Variants in WASHC5 observed in about 807,000 individuals in gnomAD.
WASHC5 encodes WASH complex subunit 5, also known as WASH complex subunit strumpellin.
Under a neutral mutation model 150.4 loss-of-function variants are expected in WASHC5, and 101 were observed. The observed-to-expected ratio is 0.67, with a 90% CI of 0.57 to 0.79. The LOEUF (loss-of-function observed/expected upper bound fraction) is 0.79, where lower values mean the gene tolerates loss of function less well. Among genes scored for constraint, WASHC5 ranks in the 30% least tolerant of loss-of-function variants. The pLI is 0.00. For missense variants in WASHC5, 1,195 were observed against 1,396.3 expected, an observed-to-expected ratio of 0.86 and a Z score of 2.30; for synonymous variants, 467 against 491.2, an observed-to-expected ratio of 0.95 and a Z score of 0.65.
intron 11 of WASHC5, among the ~76,000 whole-genome samples, chr8:125,063,019 T>G (rs1247745590): frequency 6.6e-6 from 1 of 152,216 alleles, no homozygotes; most frequent in East Asian, 1.9e-4. Flanking sequence ...CTTCTGCTAC[T>G]AGATAGCAGG....
intron 3 of WASHC5, 107 bp from the exon 4 acceptor site, chr8:125,082,574 C>T (rs1402766308): frequency 1.4e-6 from 1 of 722,144 alleles, no homozygotes; most frequent in African/African-American, 1.8e-5. Flanking sequence ...GGCATTCTGG[C>T]CTTCCACTAG....
chr8:125,025,212 G>C (rs1815342814), intron 28 of WASHC5, among the ~76,000 whole-genome samples: 1 of 152,140 alleles, frequency 6.6e-6, no homozygotes, highest in Admixed American at 6.5e-5. Context: ...AGAGGTAGGT[G>C]ATCTCCAAGT....
chr8:125,063,447 C>G (rs1036354291), intron 11 of WASHC5, 75 bp downstream of exon 11: 4 of 1,471,556 alleles, frequency 2.7e-6, no homozygotes, highest in Admixed American at 3.4e-5. Context: ...GTCTTTTTAA[C>G]CTGCCAGTTT....
At chr8:125,075,994 CAAATT>C (rs1466610664) in intron 7 of WASHC5, among the ~76,000 whole-genome samples, 2 of 152,056 alleles carry the variant, frequency 1.3e-5, no homozygotes, top group South Asian at 2.1e-4. Flanking sequence ...CACAAAGTGA[CAAATT>C]AGATGAATTT....
chr8:125,028,551 A>C (rs1291907326), intron 28 of WASHC5, 69 bp downstream of exon 28: 2 of 1,149,292 alleles, frequency 1.7e-6, no homozygotes, highest in African/African-American at 3.0e-5. Context: ...ACTCCTGATG[A>C]ATCCAGGGCC....
intron 28 of WASHC5, among the ~76,000 whole-genome samples, chr8:125,026,872 C>T (rs1461441098): frequency 6.6e-6 from 1 of 151,988 alleles, no homozygotes; most frequent in Non-Finnish European, 1.5e-5. Context: ...AGTCCTATGA[C>T]ATTTTAAAAA....
chr8:125,049,455 G>T, intron 18 of WASHC5, among the ~76,000 whole-genome samples: 1 of 152,000 alleles, frequency 6.6e-6, no homozygotes, highest in Non-Finnish European at 1.5e-5. Flanking sequence ...CTACTTGGGA[G>T]GCTGAGGCAG....
In WASHC5 at chr8:125,063,518, T is replaced by C. The variant is rs780340651; in HGVS notation, c.1408+4A>G. The C allele has an allele frequency of 1.2e-6, 2 of 1,613,698 alleles. No homozygotes were observed. The highest frequency in any genetic ancestry group is 1.7e-5 in the Admixed American group (1 of 60,018). ...CACACCAGTATTTCCTCTTCAGTAA[T>C]TACCATTTTTCTCCACTCTGGTTAG... On this transcript the variant is annotated splice_donor_region_variant and intron_variant, in intron 11 of 28. Coordinates refer to ENST00000318410, the MANE Select transcript of WASHC5 (RefSeq NM_014846.4).
intron 10 of WASHC5, among the ~76,000 whole-genome samples, chr8:125,064,313 C>T (rs539907704): frequency 2.5e-4 from 38 of 152,192 alleles, no homozygotes; most frequent in African/African-American, 8.4e-4. Flanking sequence ...AGTGATCCTC[C>T]TGCCTCAGCC....
Position 125,091,031 on chromosome 8 carries a change from C to A in WASHC5, c.-125+584G>T, listed in dbSNP as rs142254336. Among the ~76,000 whole-genome samples, 1,038 of 152,168 alleles carry A rather than the reference C, an allele frequency of 6.8e-3. 6 individuals carry two copies. The highest frequency in any genetic ancestry group is 0.024 in the African/African-American group (993 of 41,506). ...TGTTTGAGGGAGCTCCATGCGCTTG[C>A]AATCAGGAGACCCAGTTTTATGGCT... On this transcript the variant is annotated intron_variant, in intron 1 of 28. Coordinates refer to ENST00000318410, the MANE Select transcript of WASHC5 (RefSeq NM_014846.4).
chr8:125,073,455 GGGCTCGAAGATAAC>G (rs1816962972), intron 8 of WASHC5, 131 bp from the exon 9 acceptor site: 1 of 798,412 alleles, frequency 1.3e-6, no homozygotes, highest in East Asian at 2.7e-5. Context: ...TACAGTTATA[GGGCTCGAAGATAAC>G]ATTTCTATAA....
In WASHC5 at chr8:125,044,789, A is replaced by G. The variant is rs556595160; in HGVS notation, c.2505-91T>C. 111 of 1,267,838 alleles carry G rather than the reference A, an allele frequency of 8.8e-5. No homozygotes were observed. In the African/African-American group the frequency reaches 1.6e-3, roughly 18 times the overall value. The allele number at this position is 1,267,838 out of a possible 1,614,324, so 78.5% of individuals were successfully genotyped here. A position where few individuals can be genotyped will look rare whatever the true frequency, so the allele number is the denominator to read the frequency against. ...CTCAACAGGACATGCGGCACCAAAT[A>G]TGAAGAACAGGAGTTACATGATCTG... On this transcript the variant is annotated intron_variant, in intron 20 of 28. Transcript: ENST00000318410.
chr8:125,083,850 T>C lies in WASHC5; in HGVS notation c.49A>G (p.Arg17Gly). ...ATGGCATTACCACAGGAAACAATCC[T>C]TAGGATTGCTTGGCCACAGAGGTTG... The part of the protein sequence containing the change: ...ENNLCGQAIL[R>G]IVSCGNAIIA... The change falls in exon 2 of 29, where the codon AGG (arginine) becomes GGG (glycine). Residue 17 changes from arginine to glycine, a missense_variant. Arg to Gly is a moderately radical substitution (Grantham distance 125). This residue lies in a region of WASHC5 where 195 missense variants were observed against 206.9 expected (regional missense o/e 0.94). Coordinates refer to ENST00000318410, the MANE Select transcript of WASHC5 (RefSeq NM_014846.4). The C allele has an allele frequency of 6.2e-7, 1 of 1,613,986 alleles. No homozygotes were observed. The highest frequency in any genetic ancestry group is 8.5e-7 in the Non-Finnish European group (1 of 1,179,946).
intron 20 of WASHC5, among the ~76,000 whole-genome samples, chr8:125,045,827 T>C (rs984122580): frequency 6.6e-6 from 1 of 152,194 alleles, no homozygotes. Context: ...AAAATTCATA[T>C]ATGATGTGGA....
chr8:125,074,909 C>T (rs1817007892), intron 8 of WASHC5, 89 bp downstream of exon 8: 1 of 827,598 alleles, frequency 1.2e-6, no homozygotes, highest in Admixed American at 1.7e-5. Flanking sequence ...GATTATCTTC[C>T]AAATTCCTTG....
chr8:125,081,853 C>A lies in WASHC5; in HGVS notation c.418-92G>T. On this transcript the variant is annotated intron_variant, in intron 4 of 28. Transcript: ENST00000318410. ...ATCATGAAAAATATTGCTTTGCTCA[C>A]ACTTCTTCAAAAAGTTTTAGATTTC... The A allele has an allele frequency of 6.2e-6, 5 of 801,980 alleles. No homozygotes were observed. The South Asian group carries it at 7.0e-5, about 11-fold the overall frequency. 49.7% of individuals were successfully genotyped at this position (801,980 alleles called of 1,614,324 possible). A position where few individuals can be genotyped will look rare whatever the true frequency, so the allele number is the denominator to read the frequency against.
At chr8:125,066,979 G>C (rs1319672023) in intron 10 of WASHC5, among the ~76,000 whole-genome samples, 2 of 152,116 alleles carry the variant, frequency 1.3e-5, no homozygotes, top group Non-Finnish European at 2.9e-5. Context: ...CTTTCCTTCA[G>C]AGCAAATATC....
chr8:125,044,392 A>G, intron 21 of WASHC5, 144 bp downstream of exon 21: 1 of 889,278 alleles, frequency 1.1e-6, no homozygotes. Flanking sequence ...CCCAGCTCTG[A>G]TCTACCCAGT....
intron 25 of WASHC5, among the ~76,000 whole-genome samples, chr8:125,037,866 G>A (rs897938855): frequency 1.3e-5 from 2 of 152,194 alleles, no homozygotes; most frequent in Non-Finnish European, 2.9e-5. Context: ...CAGTCTCCCA[G>A]ATGTCACGGC....
Sources: allele counts gnomAD v4.1 joint callset (sites outside exome capture counted in the v4.1 genomes callset), GRCh38; gene constraint gnomAD v4.1.1; regional missense constraint gnomAD v4.1.1; transcripts MANE v1.5; gene names NCBI Gene and HGNC (gene_info 2026-07-23, HGNC 2026-07-21).